CADPS2: variants seen among roughly 807,000 people sequenced by gnomAD.
CADPS2 encodes the protein calcium-dependent secretion activator 2.
CADPS2 carries 93 observed loss-of-function variants against 172.5 expected under a neutral mutation model. That is an observed-to-expected ratio of 0.54 (90% CI 0.46 to 0.64). CADPS2 has a LOEUF of 0.64. CADPS2 is among the 30% of genes least tolerant of loss of function. The pLI is 0.00. For synonymous variants in CADPS2, 546 were observed against 555.2 expected (o/e 0.98, Z 0.23); for missense variants, 1,420 against 1,565.9 (o/e 0.91, Z 1.57).
intron 29 of CADPS2, among the ~76,000 whole-genome samples, chr7:122,322,111 G>T (rs1584993595): frequency 1.3e-5 from 2 of 152,176 alleles, no homozygotes; most frequent in Non-Finnish European, 2.9e-5. Flanking sequence ...AAAGATTTGT[G>T]TTTATTCCTA....
At chr7:122,619,329 T>C (rs1197111526) in intron 5 of CADPS2, among the ~76,000 whole-genome samples, 1 of 151,958 alleles carries the variant, frequency 6.6e-6, no homozygotes, top group East Asian at 1.9e-4. Flanking sequence ...TTTTCATCAA[T>C]AAATTTAAAT....
intron 1 of CADPS2, among the ~76,000 whole-genome samples, chr7:122,859,389 T>C (rs1816293966): frequency 6.6e-6 from 1 of 152,174 alleles, no homozygotes; most frequent in Non-Finnish European, 1.5e-5. Flanking sequence ...TGCCACAGAA[T>C]GAGTTATAAG....
At chr7:122,386,313 GA>G in intron 24 of CADPS2, 2 of 1,435,434 alleles carry the variant, frequency 1.4e-6, no homozygotes, top group Non-Finnish European at 1.8e-6. Flanking sequence ...TACCAAACTG[GA>G]TCATGCCATG....
At chr7:122,367,491 A>AT (rs1286709776) in intron 25 of CADPS2, among the ~76,000 whole-genome samples, 3 of 136,116 alleles carry the variant, frequency 2.2e-5, no homozygotes, top group South Asian at 2.3e-4. Flanking sequence ...GAGAGTTGTC[A>AT]TTTTTTTCAC....
intron 28 of CADPS2, among the ~76,000 whole-genome samples, chr7:122,341,086 T>C (rs894053818): frequency 6.6e-6 from 1 of 152,226 alleles, no homozygotes; most frequent in African/African-American, 2.4e-5. Flanking sequence ...GTTTAAAACA[T>C]CCTGGTCAGC....
intron 2 of CADPS2, among the ~76,000 whole-genome samples, chr7:122,709,547 C>T (rs922739622): frequency 4.0e-5 from 6 of 151,384 alleles, no homozygotes; most frequent in Non-Finnish European, 8.9e-5. Flanking sequence ...CCCAGCCATC[C>T]CATTACTGGG....
chr7:122,410,796 T>C (rs2047213135), intron 19 of CADPS2, among the ~76,000 whole-genome samples: 1 of 152,236 alleles, frequency 6.6e-6, no homozygotes, highest in Non-Finnish European at 1.5e-5. Context: ...TGAGTTTATG[T>C]GTTTTAAAAA....
At chr7:122,584,319 G>A (rs1437147923) in intron 6 of CADPS2, among the ~76,000 whole-genome samples, 1 of 151,938 alleles carries the variant, frequency 6.6e-6, no homozygotes, top group East Asian at 1.9e-4. Flanking sequence ...CTTTCTCCTT[G>A]AGTGAATTTT....
At chr7:122,752,469 AG>A (rs2092991495) in intron 1 of CADPS2, among the ~76,000 whole-genome samples, 1 of 152,244 alleles carries the variant, frequency 6.6e-6, no homozygotes, top group African/African-American at 2.4e-5. Flanking sequence ...GAGAAATTAA[AG>A]TTATTAAAGA....
chr7:122,719,139 G>A (rs1489463993), intron 2 of CADPS2, among the ~76,000 whole-genome samples: 2 of 151,970 alleles, frequency 1.3e-5, no homozygotes, highest in Non-Finnish European at 2.9e-5. Context: ...GTAGGAGGAG[G>A]GAGCCATGGG....
chr7:122,629,858 T>C (rs2076411131), intron 3 of CADPS2, among the ~76,000 whole-genome samples: 1 of 152,268 alleles, frequency 6.6e-6, no homozygotes, highest in East Asian at 1.9e-4. Flanking sequence ...CCTTCCATTC[T>C]TTTAAGGATT....
intron 1 of CADPS2, among the ~76,000 whole-genome samples, chr7:122,838,315 C>A (rs1809236725): frequency 6.6e-6 from 1 of 152,232 alleles, no homozygotes. Flanking sequence ...AAACCCACAG[C>A]CAATATTATA....
intron 8 of CADPS2, among the ~76,000 whole-genome samples, chr7:122,532,133 T>G (rs1458439389): frequency 6.6e-6 from 1 of 152,156 alleles, no homozygotes; most frequent in East Asian, 1.9e-4. Flanking sequence ...AAGTTAGATT[T>G]GGGAAATTCT....
At chr7:122,645,727 G>T (rs768635570) in intron 3 of CADPS2, among the ~76,000 whole-genome samples, 37 of 136,542 alleles carry the variant, frequency 2.7e-4, no homozygotes, top group Non-Finnish European at 4.2e-4. Flanking sequence ...AAAAACTGCG[G>T]TAATAAAGAA....
chr7:122,800,936 G>T (rs1189899102), intron 1 of CADPS2, among the ~76,000 whole-genome samples: 1 of 150,276 alleles, frequency 6.7e-6, no homozygotes, highest in East Asian at 2.0e-4. Context: ...GATTTTTGGT[G>T]AGCCAAGATT....
At chr7:122,368,754 AGCATTCCGT>A (rs1226651624) in intron 25 of CADPS2, among the ~76,000 whole-genome samples, 1 of 152,218 alleles carries the variant, frequency 6.6e-6, no homozygotes. Flanking sequence ...TTCCAAATCC[AGCATTCCGT>A]GCGCCATGAG....
intron 27 of CADPS2, among the ~76,000 whole-genome samples, chr7:122,356,552 A>G (rs1290405690): frequency 6.6e-6 from 1 of 152,128 alleles, no homozygotes; most frequent in African/African-American, 2.4e-5. Context: ...TCCCACACTT[A>G]AGGAGTAGGG....
chr7:122,327,652 T>C (rs2034136794), intron 28 of CADPS2, among the ~76,000 whole-genome samples: 1 of 151,986 alleles, frequency 6.6e-6, no homozygotes, highest in Admixed American at 6.6e-5. Context: ...CCATTATATA[T>C]AAAATGGTAC....
At chr7:122,482,077 G>T (rs2057368407) in intron 11 of CADPS2, among the ~76,000 whole-genome samples, 1 of 152,088 alleles carries the variant, frequency 6.6e-6, no homozygotes, top group Non-Finnish European at 1.5e-5. Flanking sequence ...TATGCTAGTG[G>T]TTCCTACCTG....
Sources: gnomAD v4.1 joint callset for allele counts (sites outside exome capture counted in the v4.1 genomes callset) on GRCh38, gnomAD v4.1.1 for gene constraint, MANE v1.5 for transcripts, NCBI Gene and HGNC (gene_info 2026-07-23, HGNC 2026-07-21) for gene names.